CHST8: variants seen among roughly 807,000 people sequenced by gnomAD.
The protein encoded by CHST8 is GALNAC-4-ST1.
Under a neutral mutation model 15.0 loss-of-function variants are expected in CHST8, and 10 were observed. That is an observed-to-expected ratio of 0.67 (90% CI 0.41 to 1.13). CHST8 has a LOEUF of 1.13. Ranked by LOEUF, CHST8 falls within the 50% of genes most tolerant of loss-of-function variation. CHST8 has a pLI of 0.00. For synonymous variants in CHST8, 259 were observed against 256.6 expected, an observed-to-expected ratio of 1.01 and a Z score of -0.09; for missense variants, 634 against 608.2, an observed-to-expected ratio of 1.04 and a Z score of -0.45.
intron 1 of CHST8, among the ~76,000 whole-genome samples, chr19:33,656,222 AAATT>A (rs1972508997): frequency 1.3e-5 from 2 of 152,168 alleles, no homozygotes; most frequent in South Asian, 4.1e-4. Flanking sequence ...CATTTTTTAA[AAATT>A]ACCATATTTT....
At chr19:33,747,014 C>T (rs1974328116) in intron 3 of CHST8, among the ~76,000 whole-genome samples, 1 of 152,158 alleles carries the variant, frequency 6.6e-6, no homozygotes, top group Admixed American at 6.5e-5. Context: ...TATATCATGA[C>T]ATCAGACATT....
Position 33,757,928 on chromosome 19 carries a change from C to G in CHST8, c.131-13485C>G, listed in dbSNP as rs116702253. 6.6e-3 allele frequency among the ~76,000 whole-genome samples: 1,007 copies of G among 152,136 alleles called. 12 individuals carry two copies. Among genetic ancestry groups the G allele is most frequent in the African/African-American group, 0.023 (953 of 41,446 alleles). ...CAGAGCCTTCCAGAGCTTCTCTTGC[C>G]CCAGCCCTTGGCTGGACCTGACTCC... On this transcript the variant is annotated intron_variant, in intron 3 of 4. Coordinates refer to ENST00000650847, the MANE Select transcript of CHST8 (RefSeq NM_001127895.2).
At chr19:33,645,867 CTCTAA>C (rs1972349286) in intron 1 of CHST8, among the ~76,000 whole-genome samples, 1 of 152,164 alleles carries the variant, frequency 6.6e-6, no homozygotes, top group Admixed American at 6.5e-5. Flanking sequence ...TGGCTCATGC[CTCTAA>C]TCTCAGCACT....
intron 1 of CHST8, among the ~76,000 whole-genome samples, chr19:33,658,543 T>C (rs990158893): frequency 8.5e-5 from 13 of 152,232 alleles, no homozygotes; most frequent in African/African-American, 3.1e-4. Flanking sequence ...TCCTGAATAA[T>C]TGAGTAGGAT....
intron 3 of CHST8, among the ~76,000 whole-genome samples, chr19:33,703,644 T>C (rs1357110450): frequency 6.6e-6 from 1 of 152,228 alleles, no homozygotes; most frequent in South Asian, 2.1e-4. Context: ...TTGACACCAT[T>C]TGTGGTGCCT....
chr19:33,700,308 T>C (rs1433433352), intron 3 of CHST8, among the ~76,000 whole-genome samples: 1 of 152,244 alleles, frequency 6.6e-6, no homozygotes, highest in Non-Finnish European at 1.5e-5. Context: ...GTAATTGCAG[T>C]GATCCATCCT....
At chr19:33,656,788 CT>C (rs1459046470) in intron 1 of CHST8, among the ~76,000 whole-genome samples, 2 of 152,112 alleles carry the variant, frequency 1.3e-5, no homozygotes, top group Non-Finnish European at 2.9e-5. Context: ...ACCCTCCTGC[CT>C]TGACCTCCCA....
chr19:33,649,589 T>A (rs1256357260), intron 1 of CHST8, among the ~76,000 whole-genome samples: 2 of 152,188 alleles, frequency 1.3e-5, no homozygotes, highest in African/African-American at 4.8e-5. Flanking sequence ...GACGCATACA[T>A]ACTGAACAAA....
intron 3 of CHST8, among the ~76,000 whole-genome samples, chr19:33,752,537 T>C (rs371517217): frequency 6.6e-6 from 1 of 152,166 alleles, no homozygotes; most frequent in Admixed American, 6.5e-5. Context: ...CTGAGGAGCA[T>C]GGCAGAGCCC....
intron 1 of CHST8, among the ~76,000 whole-genome samples, chr19:33,661,491 C>T (rs1972583926): frequency 6.6e-6 from 1 of 152,210 alleles, no homozygotes. Context: ...GCTCCGCACT[C>T]ACGGAGCCCC....
rs924824840 is a variant in CHST8, at chr19:33,773,243, C to A, written c.*180C>A. On this transcript the variant is annotated 3_prime_UTR_variant, in exon 5 of 5. Transcript: ENST00000650847. The stretch of plus-strand genomic sequence containing the variant: ...AGAGGCGCCCAGCCTTGGATGGGGA[C>A]CCCAGCCCCTGGCCTGTACCTGTTT... The A allele has an allele frequency of 4.5e-6, 3 of 668,304 alleles. No homozygotes were observed. The highest frequency in any genetic ancestry group is 2.8e-5 in the East Asian group (1 of 36,300). The allele number at this position is 668,304 out of a possible 1,614,324, so 41.4% of individuals were successfully genotyped here. A position where few individuals can be genotyped will look rare whatever the true frequency, so the allele number is the denominator to read the frequency against.
chr19:33,695,003 T>G (rs1973184105), intron 3 of CHST8, among the ~76,000 whole-genome samples: 1 of 147,150 alleles, frequency 6.8e-6, no homozygotes, highest in African/African-American at 2.5e-5. Context: ...TGGCCCGGGC[T>G]GGTGTATAGT....
intron 2 of CHST8, among the ~76,000 whole-genome samples, chr19:33,679,837 A>G (rs966212291): frequency 6.6e-6 from 1 of 152,162 alleles, no homozygotes; most frequent in Non-Finnish European, 1.5e-5. Flanking sequence ...TTTGCTGACC[A>G]CCTGGGGACT....
At chr19:33,623,117 G>A (rs1972007240) in intron 1 of CHST8, among the ~76,000 whole-genome samples, 1 of 152,148 alleles carries the variant, frequency 6.6e-6, no homozygotes, top group East Asian at 1.9e-4. Flanking sequence ...ATGTGACCCC[G>A]ATTCCTTCTC....
intron 1 of CHST8, among the ~76,000 whole-genome samples, chr19:33,666,123 G>A (rs942499237): frequency 1.1e-4 from 17 of 152,348 alleles, no homozygotes; most frequent in African/African-American, 3.4e-4. Flanking sequence ...AGTGCCTGTC[G>A]ATGTAGGCCA....
At chr19:33,722,972 C>A (rs1026156093) in intron 3 of CHST8, among the ~76,000 whole-genome samples, 1 of 152,212 alleles carries the variant, frequency 6.6e-6, no homozygotes, top group Non-Finnish European at 1.5e-5. Context: ...TGGCATTCAC[C>A]CTTCCGAAGA....
intron 3 of CHST8, among the ~76,000 whole-genome samples, chr19:33,730,468 T>G (rs1192622846): frequency 6.6e-6 from 1 of 152,216 alleles, no homozygotes. Flanking sequence ...TCTTTTCCCC[T>G]AAGGAAAGAA....
At chr19:33,758,372 C>T (rs1352163712) in intron 3 of CHST8, among the ~76,000 whole-genome samples, 1 of 152,200 alleles carries the variant, frequency 6.6e-6, no homozygotes, top group Non-Finnish European at 1.5e-5. Context: ...TCAGAGCACC[C>T]ATCCCTGAGC....
chr19:33,772,376 G>T lies in CHST8; in HGVS notation c.588G>T (p.Glu196Asp). Residue 196 changes from glutamate to aspartate, a missense_variant, in exon 5 of 5, where the codon GAG (glutamate) becomes GAT (aspartate). Transcript: ENST00000650847. ...ACCGCCACCGCGTGCTCTACTGCGA[G>T]GTGCCCAAGGCCGGCTGCTCCAATT... ...VEDRHRVLYC[E>D]VPKAGCSNWK... The T allele has an allele frequency of 6.2e-7, 1 of 1,608,938 alleles. No individual in the cohort carries two copies. Among genetic ancestry groups the T allele is most frequent in the Non-Finnish European group, 8.5e-7 (1 of 1,179,482 alleles).
Sources: allele counts gnomAD v4.1 joint callset (sites outside exome capture counted in the v4.1 genomes callset), GRCh38; gene constraint gnomAD v4.1.1; transcripts MANE v1.5; gene names NCBI Gene and HGNC (gene_info 2026-07-23, HGNC 2026-07-21).